The following RNLS variants were observed in gnomAD, a reference collection of about 807,000 sequenced individuals.
RNLS encodes the protein renalase, FAD dependent amine oxidase.
Under a neutral mutation model 39.8 loss-of-function variants are expected in RNLS, and 39 were observed. The ratio of observed to expected loss-of-function variants is 0.98; its 90% CI spans 0.76 to 1.28. The LOEUF (loss-of-function observed/expected upper bound fraction) is 1.28. Among genes scored for constraint, RNLS ranks in the 50% most tolerant of loss-of-function variants. The probability of loss-of-function intolerance (pLI) is 0.00; values close to 1 mark genes in which losing one functional copy is unlikely to be tolerated. For synonymous variants in RNLS, 147 were observed against 150.7 expected (o/e 0.98, Z 0.18); for missense variants, 410 against 413.3 (o/e 0.99, Z 0.07).
intron 4 of RNLS, among the ~76,000 whole-genome samples, chr10:88,446,546 A>C (rs1193664071): frequency 6.6e-6 from 1 of 152,208 alleles, no homozygotes; most frequent in Non-Finnish European, 1.5e-5. Flanking sequence ...TGAAATGATC[A>C]AGAAAATTGA....
chr10:88,548,079 C>A (rs374691006), intron 4 of RNLS, among the ~76,000 whole-genome samples: 1 of 149,448 alleles, frequency 6.7e-6, no homozygotes, highest in Admixed American at 6.7e-5. Context: ...CTGGGGAACG[C>A]GGTGAAACCC....
chr10:88,533,075 T>C (rs747318017), intron 4 of RNLS, among the ~76,000 whole-genome samples: 2 of 152,140 alleles, frequency 1.3e-5, no homozygotes, highest in Admixed American at 6.6e-5. Flanking sequence ...TAATTGCTCT[T>C]TGTATATTCT....
chr10:88,431,390 T>G (rs973288057), intron 4 of RNLS, among the ~76,000 whole-genome samples: 2 of 151,726 alleles, frequency 1.3e-5, no homozygotes, highest in Non-Finnish European at 3.0e-5. Flanking sequence ...GGCTAGAGAA[T>G]TACTAATTTT....
At chr10:88,441,772 C>A (rs1343164771) in intron 4 of RNLS, among the ~76,000 whole-genome samples, 1 of 152,158 alleles carries the variant, frequency 6.6e-6, no homozygotes, top group Non-Finnish European at 1.5e-5. Flanking sequence ...GCCGGAGATG[C>A]AATGGCTGCT....
intron 4 of RNLS, among the ~76,000 whole-genome samples, chr10:88,541,878 T>C (rs1848062473): frequency 6.6e-6 from 1 of 152,038 alleles, no homozygotes; most frequent in Non-Finnish European, 1.5e-5. Context: ...AGGAAGGTGA[T>C]GTGTCTGTCT....
At chr10:88,532,347 A>G (rs2134245058) in intron 4 of RNLS, among the ~76,000 whole-genome samples, 1 of 152,162 alleles carries the variant, frequency 6.6e-6, no homozygotes, top group Admixed American at 6.5e-5. Flanking sequence ...GGTTATATCT[A>G]AAATTGAGCC....
the RNLS span, among the ~76,000 whole-genome samples, chr10:88,173,013 C>T: frequency 3.3e-5 from 5 of 150,826 alleles, no homozygotes; most frequent in Admixed American, 1.3e-4. Context: ...CCCACCACCA[C>T]GCCCAGCCAA....
rs545129170 is a variant in RNLS, at chr10:88,342,681, CATTT to C, written c.700+19867_700+19870del. On this transcript the variant is annotated intron_variant, in intron 5 of 6. Transcript: ENST00000331772. ...AATCATAAAAATAAAATAGAGAAACCATTTTAATTAAATTAGGACTTCAGGAATG... is the reference window on the plus strand; with the variant it reads ...AATCATAAAAATAAAATAGAGAAACCTAATTAAATTAGGACTTCAGGAATG... Among the ~76,000 whole-genome samples, 3 of 152,004 alleles carry C rather than the reference CATTT, an allele frequency of 2.0e-5. No homozygotes were observed. In the South Asian group the frequency reaches 6.2e-4, roughly 32 times the overall value.
At chr10:88,191,359 C>CT in the RNLS span, among the ~76,000 whole-genome samples, 1 of 151,570 alleles carries the variant, frequency 6.6e-6, no homozygotes, top group African/African-American at 2.4e-5. Context: ...TTTTTAGTTT[C>CT]TTTTTTTTCT....
At chr10:88,347,137 C>T (rs765626576) in intron 5 of RNLS, among the ~76,000 whole-genome samples, 1 of 152,132 alleles carries the variant, frequency 6.6e-6, no homozygotes, top group Admixed American at 6.6e-5. Context: ...CTGTGATTTA[C>T]GCAGTTTTAT....
the RNLS span, among the ~76,000 whole-genome samples, chr10:88,258,797 G>A: frequency 6.6e-6 from 1 of 152,216 alleles, no homozygotes; most frequent in Admixed American, 6.5e-5. Flanking sequence ...TACCTTAGGA[G>A]TTTTAGGAAC....
chr10:88,457,313 G>A (rs563902482), intron 4 of RNLS, among the ~76,000 whole-genome samples: 162 of 152,282 alleles, frequency 1.1e-3, no homozygotes, highest in African/African-American at 3.4e-3. Flanking sequence ...GGATATGTGT[G>A]GCTAAAGGAG....
chr10:88,453,474 G>A (rs184454147), intron 4 of RNLS, among the ~76,000 whole-genome samples: 9 of 152,322 alleles, frequency 5.9e-5, no homozygotes, highest in Admixed American at 4.6e-4. Flanking sequence ...ACTTTGTTGT[G>A]ATTGAATGGC....
chr10:88,174,309 T>TTCTTGTTCCAGATCTTAGATG, the RNLS span, among the ~76,000 whole-genome samples: 6 of 152,164 alleles, frequency 3.9e-5, no homozygotes, highest in Non-Finnish European at 7.4e-5. Flanking sequence ...GCAGTGAAAG[T>TTCTTGTTCCAGATCTTAGATG]TCTTGTTCCA....
intron 4 of RNLS, among the ~76,000 whole-genome samples, chr10:88,414,294 A>G (rs147714763): frequency 6.6e-6 from 1 of 152,022 alleles, no homozygotes; most frequent in East Asian, 1.9e-4. Flanking sequence ...AGGAAATTTG[A>G]ATGGCTTCAT....
chr10:88,296,587 T>G (rs1020828379), intron 6 of RNLS, among the ~76,000 whole-genome samples: 4 of 152,136 alleles, frequency 2.6e-5, no homozygotes, highest in African/African-American at 9.7e-5. Context: ...AGTGTGAAAA[T>G]TAAATTGAAA....
chr10:88,177,616 A>G, the RNLS span, among the ~76,000 whole-genome samples: 1 of 151,962 alleles, frequency 6.6e-6, no homozygotes, highest in Non-Finnish European at 1.5e-5. Context: ...CTGGAAAATT[A>G]TTTTTTTCCT....
intron 3 of RNLS, among the ~76,000 whole-genome samples, chr10:88,575,931 C>T (rs1850174921): frequency 6.6e-6 from 1 of 152,130 alleles, no homozygotes; most frequent in Admixed American, 6.6e-5. Context: ...ATCTTTTATT[C>T]CTTGAATGCA....
chr10:88,582,333 C>A, intron 1 of RNLS, 26 bp from the exon 2 acceptor site: 1 of 1,577,322 alleles, frequency 6.3e-7, no homozygotes, highest in South Asian at 1.1e-5. Flanking sequence ...AGGAAAATGT[C>A]TTACTGCATG....
Sources: allele counts gnomAD v4.1 joint callset (sites outside exome capture counted in the v4.1 genomes callset), GRCh38; gene constraint gnomAD v4.1.1; transcripts MANE v1.5; gene names NCBI Gene and HGNC (gene_info 2026-07-23, HGNC 2026-07-21).